Variants in TMEM178B observed in about 807,000 individuals in gnomAD.
TMEM178B encodes the protein transmembrane protein 178B.
TMEM178B carries 5 observed loss-of-function variants against 31.0 expected under a neutral mutation model. That is an observed-to-expected ratio of 0.16 (90% CI 0.08 to 0.34). The LOEUF is 0.34. Ranked by LOEUF, TMEM178B falls within the 10% of genes least tolerant of loss-of-function variation. The pLI, the probability that TMEM178B is intolerant of heterozygous loss-of-function variation, is 1.00. For missense variants in TMEM178B, 275 were observed against 400.3 expected (o/e 0.69, Z 2.67); for synonymous variants, 164 against 164.0 (o/e 1.00, Z 0.00).
At chr7:141,428,473 T>A (rs1181789836) in intron 2 of TMEM178B, among the ~76,000 whole-genome samples, 1 of 151,212 alleles carries the variant, frequency 6.6e-6, no homozygotes, top group Non-Finnish European at 1.5e-5. Flanking sequence ...GTGAGCAGGC[T>A]CAAGCATTCA....
chr7:141,279,909 T>G (rs1168324101), intron 2 of TMEM178B, among the ~76,000 whole-genome samples: 1 of 152,246 alleles, frequency 6.6e-6, no homozygotes, highest in African/African-American at 2.4e-5. Flanking sequence ...AGACTCCATT[T>G]TCACTCGTTG....
At chr7:141,495,645 T>C in the TMEM178B span, among the ~76,000 whole-genome samples, 2 of 152,240 alleles carry the variant, frequency 1.3e-5, no homozygotes, top group Non-Finnish European at 1.5e-5. Flanking sequence ...CAGCATTGTT[T>C]GCTATAGCAA....
chr7:141,196,500 G>A (rs960436975), intron 1 of TMEM178B, among the ~76,000 whole-genome samples: 1 of 152,130 alleles, frequency 6.6e-6, no homozygotes, highest in Non-Finnish European at 1.5e-5. Flanking sequence ...TGTTAGGTTT[G>A]CTGTTGTGAT....
chr7:141,314,533 C>T lies in TMEM178B; in HGVS notation c.496+101829C>T, dbSNP rs546801081. Among the ~76,000 whole-genome samples the T allele has an allele frequency of 6.7e-4, 102 of 152,280 alleles. 1 individual carries two copies. In the South Asian group the frequency reaches 0.02, roughly 30 times the overall value. The stretch of plus-strand genomic sequence containing the variant: ...CATTCCTCCTCCCATCTCTTTCTGG[C>T]CCCTGTGGTCTAGCTTCTGTCCCCA... On this transcript the variant is annotated intron_variant, in intron 2 of 3. Coordinates refer to ENST00000565468, the MANE Select transcript of TMEM178B (RefSeq NM_001195278.2).
At chr7:141,460,724 C>G (rs1802045665) in intron 3 of TMEM178B, among the ~76,000 whole-genome samples, 1 of 152,220 alleles carries the variant, frequency 6.6e-6, no homozygotes, top group Non-Finnish European at 1.5e-5. Flanking sequence ...CTCAGGAACA[C>G]AAACCCTGCT....
chr7:141,375,281 T>C (rs1044477068), intron 2 of TMEM178B, among the ~76,000 whole-genome samples: 2 of 152,236 alleles, frequency 1.3e-5, no homozygotes, highest in Non-Finnish European at 2.9e-5. Context: ...GTGTGGTCCA[T>C]GTTTGAAACT....
chr7:141,141,715 C>T (rs1254381041), intron 1 of TMEM178B, among the ~76,000 whole-genome samples: 1 of 152,120 alleles, frequency 6.6e-6, no homozygotes, highest in African/African-American at 2.4e-5. Flanking sequence ...TTGCAATGTT[C>T]ATTCAACACC....
chr7:141,271,590 A>C (rs145180615), intron 2 of TMEM178B, among the ~76,000 whole-genome samples: 1 of 152,320 alleles, frequency 6.6e-6, no homozygotes, highest in East Asian at 1.9e-4. Flanking sequence ...ATGGAGCTTC[A>C]TGACCCATTT....
intron 1 of TMEM178B, among the ~76,000 whole-genome samples, chr7:141,174,228 T>C (rs1038570333): frequency 2.6e-5 from 4 of 152,186 alleles, no homozygotes; most frequent in Admixed American, 2.0e-4. Context: ...TTTACTGTTC[T>C]TGCATTAGTT....
intron 3 of TMEM178B, among the ~76,000 whole-genome samples, chr7:141,452,561 C>A (rs1040823754): frequency 1.3e-5 from 2 of 152,140 alleles, no homozygotes; most frequent in Non-Finnish European, 2.9e-5. Context: ...TCCCTGAGTG[C>A]CATCTGGGCC....
intron 2 of TMEM178B, among the ~76,000 whole-genome samples, chr7:141,304,312 G>A (rs1231842227): frequency 6.6e-6 from 1 of 152,108 alleles, no homozygotes; most frequent in African/African-American, 2.4e-5. Flanking sequence ...AAGGGGGTGG[G>A]CAGAGTGGTC....
At chr7:141,135,948 G>T (rs1413055388) in intron 1 of TMEM178B, among the ~76,000 whole-genome samples, 4 of 151,896 alleles carry the variant, frequency 2.6e-5, no homozygotes, top group African/African-American at 9.7e-5. Context: ...AAATAAAATT[G>T]ATAAACTGCT....
chr7:141,227,293 T>C (rs555936077), intron 2 of TMEM178B, among the ~76,000 whole-genome samples: 3 of 152,336 alleles, frequency 2.0e-5, no homozygotes, highest in Non-Finnish European at 4.4e-5. Context: ...CGTCACTCAT[T>C]TACTCAAGTA....
intron 1 of TMEM178B, among the ~76,000 whole-genome samples, chr7:141,099,586 T>C (rs978580025): frequency 2.0e-5 from 3 of 152,216 alleles, no homozygotes; most frequent in African/African-American, 7.2e-5. Flanking sequence ...CACTCAGTAA[T>C]GTTCTAATCT....
chr7:141,290,311 A>G (rs150040436), intron 2 of TMEM178B, among the ~76,000 whole-genome samples: 2 of 152,210 alleles, frequency 1.3e-5, no homozygotes, highest in Non-Finnish European at 2.9e-5. Flanking sequence ...CTTAGAACAA[A>G]TATGGTTGCA....
chr7:141,425,009 T>G (rs1801287717), intron 2 of TMEM178B, among the ~76,000 whole-genome samples: 1 of 152,218 alleles, frequency 6.6e-6, no homozygotes, highest in Non-Finnish European at 1.5e-5. Context: ...CTGTGTGACC[T>G]TGGCCAACTA....
intron 2 of TMEM178B, among the ~76,000 whole-genome samples, chr7:141,288,197 T>C (rs371014439): frequency 4.6e-5 from 2 of 43,854 alleles, no homozygotes; most frequent in Admixed American, 2.4e-4. Flanking sequence ...CCTCTACTCT[T>C]TTTTTTTTTC....
At chr7:141,385,684 C>G (rs1468472706) in intron 2 of TMEM178B, among the ~76,000 whole-genome samples, 1 of 152,292 alleles carries the variant, frequency 6.6e-6, no homozygotes, top group Non-Finnish European at 1.5e-5. Context: ...AGCCATGTTT[C>G]AAGACATAAA....
chr7:141,120,610 G>A (rs1417131849), intron 1 of TMEM178B, among the ~76,000 whole-genome samples: 1 of 151,864 alleles, frequency 6.6e-6, no homozygotes, highest in South Asian at 2.1e-4. Flanking sequence ...TTTTTTAGAG[G>A]CAATGACTTT....
Sources: gnomAD v4.1 joint callset for allele counts (sites outside exome capture counted in the v4.1 genomes callset) on GRCh38, gnomAD v4.1.1 for gene constraint, MANE v1.5 for transcripts, NCBI Gene and HGNC (gene_info 2026-07-23, HGNC 2026-07-21) for gene names.